Variants in SEC11A observed in about 807,000 individuals in gnomAD.
The protein encoded by SEC11A is SEC11 homolog A, signal peptidase complex subunit.
SEC11A carries 14 observed loss-of-function variants against 25.6 expected under a neutral mutation model. The observed-to-expected ratio is 0.55, with a 90% confidence interval of 0.36 to 0.85. The LOEUF is 0.85. Among genes scored for constraint, SEC11A ranks in the 40% least tolerant of loss-of-function variants. The probability of loss-of-function intolerance (pLI) is 0.01; values close to 1 mark genes in which losing one functional copy is unlikely to be tolerated. For synonymous variants in SEC11A, 83 were observed against 76.4 expected, an observed-to-expected ratio of 1.09 and a Z score of -0.45; for missense variants, 153 against 222.9, an observed-to-expected ratio of 0.69 and a Z score of 2.00.
intron 1 of SEC11A, among the ~76,000 whole-genome samples, chr15:84,702,093 A>AATT (rs1421991951): frequency 2.6e-5 from 4 of 151,710 alleles, no homozygotes. Flanking sequence ...TAATAATAAT[A>AATT]ATAGGGAGGT....
At chr15:84,701,538 C>T (rs1170637993) in intron 1 of SEC11A, among the ~76,000 whole-genome samples, 1 of 150,556 alleles carries the variant, frequency 6.6e-6, no homozygotes, top group African/African-American at 2.4e-5. Context: ...AAGCAAGACT[C>T]CGTTTCAAGA....
chr15:84,680,680 T>C (rs779830240), intron 4 of SEC11A, 33 bp downstream of exon 4: 20 of 1,559,926 alleles, frequency 1.3e-5, no homozygotes, highest in Non-Finnish European at 1.7e-5. Flanking sequence ...TCAAGTGATA[T>C]AAAAAGTTTG....
intron 1 of SEC11A, among the ~76,000 whole-genome samples, chr15:84,693,458 CTCT>C (rs1470351888): frequency 5.0e-5 from 3 of 60,092 alleles, no homozygotes; most frequent in Admixed American, 3.1e-4. Flanking sequence ...TTCTTTTTTT[CTCT>C]TCTTTTTTTT....
chr15:84,679,450 G>A (rs1440694475), intron 4 of SEC11A, among the ~76,000 whole-genome samples: 1 of 152,212 alleles, frequency 6.6e-6, no homozygotes, highest in Non-Finnish European at 1.5e-5. Context: ...CATCTCTCGT[G>A]CTGTAACTGA....
At chr15:84,681,025 A>C (rs1321810407) in intron 3 of SEC11A, among the ~76,000 whole-genome samples, 193 bp from the exon 4 acceptor site, 1 of 152,240 alleles carries the variant, frequency 6.6e-6, no homozygotes. Context: ...AACAAACTAA[A>C]GATCCAATAT....
chr15:84,703,395 C>T (rs543547108), intron 1 of SEC11A, among the ~76,000 whole-genome samples: 2 of 152,214 alleles, frequency 1.3e-5, no homozygotes, highest in Non-Finnish European at 2.9e-5. Flanking sequence ...GCAAGTGACT[C>T]AGATACCCAT....
Position 84,670,775 on chromosome 15 carries a change from G to C in SEC11A, c.439C>G (p.Pro147Ala). Residue 147 changes from proline (P) to alanine (A), a missense_variant, in exon 5 of 6, where the codon CCT (proline) becomes GCT (alanine). Pro to Ala is a conservative substitution (Grantham distance 27). Coordinates refer to ENST00000268220, the MANE Select transcript of SEC11A (RefSeq NM_014300.4). ...DVVGRARGFV[P>A]YIGIVTILMN... Reference sequence around the variant, plus strand: ...AGGATCGTCACAATTCCAATATAAGGAACAAATCTAAAACAAACAAAAAAC... The same window carrying C: ...AGGATCGTCACAATTCCAATATAAGCAACAAATCTAAAACAAACAAAAAAC... 6.9e-7 allele frequency: 1 copy of C among 1,449,356 alleles called. No homozygotes were observed. Among genetic ancestry groups the C allele is most frequent in the Non-Finnish European group, 9.4e-7 (1 of 1,058,974 alleles). 89.8% of individuals were successfully genotyped at this position (1,449,356 alleles called of 1,614,324 possible).
At chr15:84,671,781 C>G (rs1034601269) in intron 4 of SEC11A, 1 of 152,210 alleles carries the variant, frequency 6.6e-6, no homozygotes, top group Non-Finnish European at 1.5e-5. Flanking sequence ...GATTGAATGT[C>G]TGAATGTCCG....
At chr15:84,672,815 T>G (rs1478363616) in intron 4 of SEC11A, 2 of 210,468 alleles carry the variant, frequency 9.5e-6, no homozygotes. Context: ...ATCTAGGAAA[T>G]GAGGAGCGTC....
intron 1 of SEC11A, among the ~76,000 whole-genome samples, chr15:84,697,721 G>A (rs893827252): frequency 2.0e-5 from 3 of 152,112 alleles, no homozygotes; most frequent in Non-Finnish European, 4.4e-5. Context: ...GAATGCTTAG[G>A]AATGTATATA....
intron 4 of SEC11A, among the ~76,000 whole-genome samples, chr15:84,677,879 CAG>C (rs1897181949): frequency 6.6e-6 from 1 of 152,066 alleles, no homozygotes; most frequent in African/African-American, 2.4e-5. Context: ...AGTGAGCAGA[CAG>C]AGCTGTAATA....
In SEC11A at chr15:84,716,113, G is replaced by C; in HGVS notation, c.-38C>G. 1 of 1,605,676 alleles carries C rather than the reference G, an allele frequency of 6.2e-7. No homozygotes were observed. The highest frequency in any genetic ancestry group is 8.5e-7 in the Non-Finnish European group (1 of 1,173,240). The stretch of plus-strand genomic sequence containing the variant: ...GAGCAGGACACCGGCAGGGGAAAGG[G>C]CGCGATGACCAGCGGGCGGAACTAC... On this transcript the variant is annotated 5_prime_UTR_variant, in exon 1 of 6. Coordinates refer to ENST00000268220, the MANE Select transcript of SEC11A (RefSeq NM_014300.4).
chr15:84,680,868 C>A (rs754541723), intron 3 of SEC11A, 36 bp from the exon 4 acceptor site: 14 of 1,556,780 alleles, frequency 9.0e-6, no homozygotes, highest in East Asian at 2.3e-5. Context: ...TCATCAAATA[C>A]CTTCATGGCA....
At chr15:84,696,831 G>A (rs920337946) in intron 1 of SEC11A, among the ~76,000 whole-genome samples, 2 of 152,008 alleles carry the variant, frequency 1.3e-5, no homozygotes, top group Non-Finnish European at 2.9e-5. Flanking sequence ...AAAAGGGCTC[G>A]GTTATAGAGT....
At chr15:84,679,980 C>T (rs978341589) in intron 4 of SEC11A, 2 of 1,515,288 alleles carry the variant, frequency 1.3e-6, no homozygotes, top group Non-Finnish European at 1.8e-6. Context: ...CTGAAACAAA[C>T]AGGCTTAATA....
chr15:84,704,209 C>T (rs1898030574), intron 1 of SEC11A, among the ~76,000 whole-genome samples: 2 of 152,140 alleles, frequency 1.3e-5, no homozygotes, highest in South Asian at 4.1e-4. Context: ...GTATTTCTGT[C>T]AAAAAGCACC....
intron 1 of SEC11A, among the ~76,000 whole-genome samples, chr15:84,696,277 T>C (rs886639622): frequency 6.6e-6 from 1 of 152,192 alleles, no homozygotes; most frequent in African/African-American, 2.4e-5. Context: ...CTAAATTCTA[T>C]GTTTTCAAGA....
intron 1 of SEC11A, among the ~76,000 whole-genome samples, chr15:84,707,081 C>T (rs1898116586): frequency 6.6e-6 from 1 of 152,088 alleles, no homozygotes. Context: ...TCTGTCCACC[C>T]AAACCAGTGC....
intron 1 of SEC11A, among the ~76,000 whole-genome samples, chr15:84,705,684 G>A (rs887876741): frequency 2.4e-4 from 36 of 151,696 alleles, no homozygotes; most frequent in African/African-American, 8.7e-4. Context: ...GTGAAACCCC[G>A]CCTCTACTAA....
Sources: allele counts gnomAD v4.1 joint callset (sites outside exome capture counted in the v4.1 genomes callset), GRCh38; gene constraint gnomAD v4.1.1; transcripts MANE v1.5; gene names NCBI Gene and HGNC (gene_info 2026-07-23, HGNC 2026-07-21).